Variants in TCF7L2 observed in about 807,000 individuals in gnomAD.
The protein encoded by TCF7L2 is transcription factor 7-like 2.
A neutral mutation model predicts 77.9 loss-of-function variants in TCF7L2; 23 were observed. That is an observed-to-expected ratio of 0.30 (90% CI 0.21 to 0.42). The LOEUF (loss-of-function observed/expected upper bound fraction) is 0.42. Among genes scored for constraint, TCF7L2 ranks in the 10% least tolerant of loss-of-function variants. The pLI, the probability that TCF7L2 is intolerant of heterozygous loss-of-function variation, is 1.00. For synonymous variants in TCF7L2, 413 were observed against 340.2 expected, an observed-to-expected ratio of 1.21 and a Z score of -2.36; for missense variants, 654 against 793.1, an observed-to-expected ratio of 0.82 and a Z score of 2.11.
intron 5 of TCF7L2, among the ~76,000 whole-genome samples, chr10:113,092,176 C>T (rs1302443032): frequency 6.6e-6 from 1 of 152,126 alleles, no homozygotes; most frequent in Non-Finnish European, 1.5e-5. Context: ...ATCCCTGGCG[C>T]CAGTGACTGA....
At chr10:113,097,956 A>G (rs1209123629) in intron 5 of TCF7L2, among the ~76,000 whole-genome samples, 2 of 149,176 alleles carry the variant, frequency 1.3e-5, no homozygotes, top group African/African-American at 2.5e-5. Context: ...AGGCTGAGGC[A>G]GGAGAATCGC....
At chr10:113,101,077 AG>A (rs944513117) in intron 5 of TCF7L2, among the ~76,000 whole-genome samples, 19 of 151,254 alleles carry the variant, frequency 1.3e-4, no homozygotes, top group African/African-American at 4.4e-4. Context: ...CTCCGTCTCA[AG>A]GGGGGAAAAA....
chr10:113,111,731 G>A (rs2063154696), intron 5 of TCF7L2, among the ~76,000 whole-genome samples: 1 of 152,110 alleles, frequency 6.6e-6, no homozygotes, highest in Non-Finnish European at 1.5e-5. Flanking sequence ...GGTGGAGGCT[G>A]TAATGAGCTG....
chr10:113,136,676 T>C (rs1199320138), intron 5 of TCF7L2, among the ~76,000 whole-genome samples: 1 of 152,158 alleles, frequency 6.6e-6, no homozygotes, highest in Non-Finnish European at 1.5e-5. Flanking sequence ...GCTCTGTTTA[T>C]AAAGAGATAA....
At chr10:113,030,696 C>T (rs2050063631) in intron 4 of TCF7L2, among the ~76,000 whole-genome samples, 1 of 152,190 alleles carries the variant, frequency 6.6e-6, no homozygotes, top group Non-Finnish European at 1.5e-5. Context: ...ATTAGCCTGT[C>T]TTGCTCTGTC....
chr10:113,150,463 C>G (rs1048917683), intron 8 of TCF7L2, among the ~76,000 whole-genome samples: 1 of 152,026 alleles, frequency 6.6e-6, no homozygotes, highest in Admixed American at 6.5e-5. Flanking sequence ...TGATGGGACA[C>G]AGCACAAAAG....
At chr10:113,137,940 T>C (rs2067668136) in intron 5 of TCF7L2, among the ~76,000 whole-genome samples, 1 of 152,010 alleles carries the variant, frequency 6.6e-6, no homozygotes, top group African/African-American at 2.4e-5. Flanking sequence ...GAAGAAAGGG[T>C]TCTGGGGTCT....
chr10:113,166,117 C>A lies in TCF7L2; in HGVS notation c.*145C>A. 1 of 650,734 alleles carries A rather than the reference C, an allele frequency of 1.5e-6. No homozygotes were observed. The highest frequency in any genetic ancestry group is 5.8e-5 in the South Asian group (1 of 17,214). The allele number at this position is 650,734 out of a possible 1,614,324, so 40.3% of individuals were successfully genotyped here. A position where few individuals can be genotyped will look rare whatever the true frequency, so the allele number is the denominator to read the frequency against. On this transcript the variant is annotated 3_prime_UTR_variant, in exon 14 of 14. Transcript: ENST00000627217. ...TACATTAGTTGATGTTTATCGAGTT[C>A]ATTGGTCAATATTTGACCCATTCTT...
intron 4 of TCF7L2, among the ~76,000 whole-genome samples, chr10:112,984,033 A>G (rs1182904924): frequency 2.0e-5 from 3 of 152,230 alleles, no homozygotes; most frequent in African/African-American, 7.2e-5. Context: ...TTCTGATTCC[A>G]GAAGGTACAG....
chr10:112,970,166 T>TTG (rs61281206), intron 4 of TCF7L2, among the ~76,000 whole-genome samples: 52,087 of 150,284 alleles, frequency 0.35, 11,536 homozygotes, highest in East Asian at 0.67. Context: ...TTGAAGTGGT[T>TTG]TGTGTGTGTG....
At chr10:113,134,184 G>A (rs924214094) in intron 5 of TCF7L2, among the ~76,000 whole-genome samples, 1 of 152,224 alleles carries the variant, frequency 6.6e-6, no homozygotes, top group Admixed American at 6.5e-5. Context: ...GGAAGACCCC[G>A]GCCACGGTGA....
At chr10:113,126,020 C>T (rs2065529458) in intron 5 of TCF7L2, 1 of 151,674 alleles carries the variant, frequency 6.6e-6, no homozygotes, top group Admixed American at 6.6e-5. Flanking sequence ...GTCATTTTTT[C>T]CTACTATGCT....
At chr10:113,028,732 T>A (rs1196881651) in intron 4 of TCF7L2, among the ~76,000 whole-genome samples, 1 of 152,072 alleles carries the variant, frequency 6.6e-6, no homozygotes, top group Non-Finnish European at 1.5e-5. Context: ...AAATACAGAA[T>A]GGGGAGGAGA....
chr10:113,157,053 A>G (rs981690599), intron 11 of TCF7L2, among the ~76,000 whole-genome samples: 1 of 152,232 alleles, frequency 6.6e-6, no homozygotes, highest in African/African-American at 2.4e-5. Context: ...TATGTCAGCT[A>G]GAAGAGAATT....
Position 113,143,927 on chromosome 10 carries a change from C to A in TCF7L2, c.690C>A (p.Ile230=), listed in dbSNP as rs916902498. 3.2e-5 allele frequency: 51 copies of A among 1,612,916 alleles called. No homozygotes were observed. The highest frequency in any genetic ancestry group is 4.1e-5 in the Non-Finnish European group (48 of 1,179,262). The change falls in exon 7 of 14, where the codon ATC becomes ATA. Residue 230 remains isoleucine (I), a synonymous_variant. Coordinates refer to ENST00000627217, the MANE Select transcript of TCF7L2 (RefSeq NM_001146274.2). Reference sequence around the variant, plus strand: ...AAATGCTGCTTCTTCCCTCAGGAATCCCACGGCCTCCGCACCCTCCAGATA... The same window carrying A: ...AAATGCTGCTTCTTCCCTCAGGAATACCACGGCCTCCGCACCCTCCAGATA...
intron 5 of TCF7L2, among the ~76,000 whole-genome samples, chr10:113,066,845 T>C (rs1318175921): frequency 1.3e-5 from 2 of 152,390 alleles, no homozygotes; most frequent in East Asian, 3.9e-4. Context: ...TGGGCTGCCC[T>C]GCAGCTTGCT....
chr10:112,964,600 G>A lies in TCF7L2; in HGVS notation c.426G>A (p.Thr142=), dbSNP rs368871599. ...GCACACATTACTCTGCGTACAAAAC[G>A]ATTGAACACCAGATTGCAGTTCAGG... Residue 142 remains threonine, a synonymous_variant, in exon 4 of 14, where the codon ACG becomes ACA. Transcript: ENST00000627217. 1 of 1,613,178 alleles carries A rather than the reference G, an allele frequency of 6.2e-7. No individual in the cohort carries two copies. Among genetic ancestry groups the A allele is most frequent in the Middle Eastern group, 1.7e-4 (1 of 6,060 alleles).
intron 11 of TCF7L2, among the ~76,000 whole-genome samples, chr10:113,153,814 C>G (rs1194366681): frequency 1.3e-5 from 2 of 152,232 alleles, no homozygotes; most frequent in Non-Finnish European, 2.9e-5. Context: ...CAAACATCTG[C>G]CGGCCTATGT....
At chr10:113,078,786 T>C (rs1449579184) in intron 5 of TCF7L2, among the ~76,000 whole-genome samples, 1 of 152,064 alleles carries the variant, frequency 6.6e-6, no homozygotes, top group African/African-American at 2.4e-5. Context: ...CTGGTGGTAA[T>C]CCTGGAAGCC....
Sources: gnomAD v4.1 joint callset for allele counts (sites outside exome capture counted in the v4.1 genomes callset) on GRCh38, gnomAD v4.1.1 for gene constraint, MANE v1.5 for transcripts, NCBI Gene and HGNC (gene_info 2026-07-23, HGNC 2026-07-21) for gene names.